Variants in ADGRB3 observed in about 807,000 individuals in gnomAD.
The protein encoded by ADGRB3 is brain-specific angiogenesis inhibitor 3.
Under a neutral mutation model 193.4 loss-of-function variants are expected in ADGRB3, and 37 were observed. The ratio of observed to expected loss-of-function variants is 0.19; its 90% CI spans 0.15 to 0.25. The LOEUF is 0.25. Ranked by LOEUF, ADGRB3 falls within the 10% of genes least tolerant of loss-of-function variation. ADGRB3 has a pLI of 1.00. For missense variants in ADGRB3, 1,637 were observed against 1,852.9 expected, an observed-to-expected ratio of 0.88 and a Z score of 2.14; for synonymous variants, 690 against 644.2, an observed-to-expected ratio of 1.07 and a Z score of -1.08.
At chr6:69,009,294 A>G (rs1769862996) in intron 11 of ADGRB3, among the ~76,000 whole-genome samples, 1 of 152,140 alleles carries the variant, frequency 6.6e-6, no homozygotes, top group Admixed American at 6.5e-5. Context: ...AAAATATCAG[A>G]CTGTATAACT....
At chr6:68,972,596 C>A (rs1582361358) in intron 8 of ADGRB3, among the ~76,000 whole-genome samples, 1 of 151,580 alleles carries the variant, frequency 6.6e-6, no homozygotes, top group East Asian at 1.9e-4. Context: ...GGATCATAGT[C>A]ACCTCTAACT....
intron 3 of ADGRB3, among the ~76,000 whole-genome samples, chr6:68,702,493 T>C (rs1198744070): frequency 1.3e-5 from 2 of 152,186 alleles, no homozygotes; most frequent in Admixed American, 1.3e-4. Flanking sequence ...AATATAGTCT[T>C]TGACTGCATT....
At chr6:68,889,677 T>G (rs1299359677) in intron 3 of ADGRB3, among the ~76,000 whole-genome samples, 1 of 151,978 alleles carries the variant, frequency 6.6e-6, no homozygotes, top group Non-Finnish European at 1.5e-5. Context: ...TAATTTTTTG[T>G]ATTTTTAGTA....
chr6:69,213,825 A>C (rs1234619090), intron 17 of ADGRB3, among the ~76,000 whole-genome samples: 2 of 152,186 alleles, frequency 1.3e-5, no homozygotes, highest in African/African-American at 4.8e-5. Context: ...TACAGCATTT[A>C]CTATTTTACT....
chr6:68,819,631 G>A (rs976211693), intron 3 of ADGRB3, among the ~76,000 whole-genome samples: 2 of 151,834 alleles, frequency 1.3e-5, no homozygotes, highest in Non-Finnish European at 2.9e-5. Context: ...ACACCTCAAA[G>A]TCCAAAGTTC....
intron 8 of ADGRB3, among the ~76,000 whole-genome samples, chr6:68,963,137 C>A (rs1768280691): frequency 6.6e-6 from 1 of 152,168 alleles, no homozygotes; most frequent in Non-Finnish European, 1.5e-5. Context: ...CTCCTGCCAC[C>A]AGCTTCCAGT....
intron 17 of ADGRB3, among the ~76,000 whole-genome samples, chr6:69,126,242 C>G (rs1439682336): frequency 9.0e-4 from 137 of 151,832 alleles, no homozygotes; most frequent in Non-Finnish European, 1.3e-3. Context: ...CACATACATA[C>G]ATACATACAT....
Position 69,354,339 on chromosome 6 carries a change from A to G in ADGRB3, c.3555+11A>G. ...CATGCTCAAATCATGGTGAGTTTTTATTTTTCCCCGATTGTTAATTAACTC... is the reference window on the plus strand; with the variant it reads ...CATGCTCAAATCATGGTGAGTTTTTGTTTTTCCCCGATTGTTAATTAACTC... On this transcript the variant is annotated intron_variant, in intron 27 of 31. Transcript: ENST00000370598. The G allele has an allele frequency of 6.3e-7, 1 of 1,593,288 alleles. No homozygotes were observed. Among genetic ancestry groups the G allele is most frequent in the South Asian group, 1.1e-5 (1 of 90,732 alleles).
At chr6:68,938,723 T>C (rs1767553799) in intron 5 of ADGRB3, among the ~76,000 whole-genome samples, 1 of 152,126 alleles carries the variant, frequency 6.6e-6, no homozygotes, top group Non-Finnish European at 1.5e-5. Context: ...GATACTTATT[T>C]TCATTTGGGT....
At chr6:69,215,425 A>G (rs936221347) in intron 17 of ADGRB3, among the ~76,000 whole-genome samples, 4 of 151,754 alleles carry the variant, frequency 2.6e-5, no homozygotes, top group African/African-American at 9.7e-5. Flanking sequence ...TTTAAAAAAG[A>G]AAGAAAAGAT....
intron 28 of ADGRB3, among the ~76,000 whole-genome samples, chr6:69,357,243 C>A (rs1769355910): frequency 6.6e-6 from 1 of 152,016 alleles, no homozygotes; most frequent in African/African-American, 2.4e-5. Flanking sequence ...CATATGATTT[C>A]TATTTCAGTA....
chr6:69,383,216 A>G (rs571188366), intron 31 of ADGRB3, among the ~76,000 whole-genome samples: 44 of 152,148 alleles, frequency 2.9e-4, no homozygotes, highest in African/African-American at 9.6e-4. Flanking sequence ...TTTTACTGTC[A>G]GAGTTAAAAT....
chr6:68,647,023 G>A (rs1768232657), intron 3 of ADGRB3, among the ~76,000 whole-genome samples: 1 of 152,144 alleles, frequency 6.6e-6, no homozygotes, highest in South Asian at 2.1e-4. Context: ...TTTCATGTGT[G>A]TATGGTTGAA....
intron 3 of ADGRB3, among the ~76,000 whole-genome samples, chr6:68,833,701 G>T (rs903423917): frequency 6.6e-6 from 1 of 151,594 alleles, no homozygotes; most frequent in Non-Finnish European, 1.5e-5. Context: ...TTGCAAATTT[G>T]TTTAAAATAG....
intron 20 of ADGRB3, among the ~76,000 whole-genome samples, chr6:69,293,434 T>C (rs1219812949): frequency 6.6e-6 from 1 of 152,118 alleles, no homozygotes; most frequent in Non-Finnish European, 1.5e-5. Context: ...AACTAAGAAT[T>C]CCCTGTCCAC....
chr6:68,971,426 A>G (rs1768564663), intron 8 of ADGRB3, among the ~76,000 whole-genome samples: 1 of 152,192 alleles, frequency 6.6e-6, no homozygotes, highest in Admixed American at 6.5e-5. Context: ...CCCTTCTTAG[A>G]TGCAGGTCTC....
chr6:69,067,679 A>T (rs1047882929), intron 16 of ADGRB3, among the ~76,000 whole-genome samples: 2 of 151,924 alleles, frequency 1.3e-5, no homozygotes, highest in Non-Finnish European at 2.9e-5. Context: ...GTGGTTTCTG[A>T]TATTTTGTCT....
chr6:69,222,676 A>T lies in ADGRB3; in HGVS notation c.2481-10614A>T. ...GAGGAAAAAACATTGAAAAGAAAAT[A>T]TTATCTAATATTTATTGAAGCCATT... is the stretch of plus-strand genomic sequence containing the variant. On this transcript the variant is annotated intron_variant, in intron 17 of 31. Transcript: ENST00000370598. 2.0e-5 allele frequency among the ~76,000 whole-genome samples: 3 copies of T among 152,140 alleles called. No homozygotes were observed. In the Middle Eastern group the frequency reaches 0.01, roughly 517 times the overall value.
At chr6:69,219,492 TAC>T (rs1554172970) in intron 17 of ADGRB3, among the ~76,000 whole-genome samples, 1 of 141,568 alleles carries the variant, frequency 7.1e-6, no homozygotes, top group African/African-American at 2.6e-5. Flanking sequence ...TATATATATA[TAC>T]GTGTGTGTGT....
Sources: gnomAD v4.1 joint callset for allele counts (sites outside exome capture counted in the v4.1 genomes callset) on GRCh38, gnomAD v4.1.1 for gene constraint, MANE v1.5 for transcripts, NCBI Gene and HGNC (gene_info 2026-07-23, HGNC 2026-07-21) for gene names.